The following TENM1 variants were observed in gnomAD, a reference collection of about 807,000 sequenced individuals.
TENM1 encodes teneurin-1.
Under a neutral mutation model 174.8 loss-of-function variants are expected in TENM1, and 35 were observed. The ratio of observed to expected loss-of-function variants is 0.20; its 90% CI spans 0.15 to 0.27. The LOEUF (loss-of-function observed/expected upper bound fraction) is 0.27. Ranked by LOEUF, TENM1 falls within the 10% of genes least tolerant of loss-of-function variation. TENM1 has a pLI of 1.00. For synonymous variants in TENM1, 781 were observed against 798.7 expected (o/e 0.98, Z 0.37); for missense variants, 1,633 against 2,130.1 (o/e 0.77, Z 4.59).
At chrX:124,685,545 C>A (rs2052340499) in intron 5 of TENM1, among the ~76,000 whole-genome samples, 1 of 105,900 alleles carries the variant, frequency 9.4e-6, no homozygotes, top group African/African-American at 3.6e-5. Flanking sequence ...AGCTTATGGT[C>A]TCTTCAAGCA....
chrX:124,538,683 C>T (rs574952234), intron 15 of TENM1, among the ~76,000 whole-genome samples: 3 of 111,455 alleles, frequency 2.7e-5, no homozygotes, highest in East Asian at 2.8e-4. Context: ...AAAAGCTAAA[C>T]GCAAGGCATA....
chrX:124,891,708 C>T (rs2057479542), intron 3 of TENM1, among the ~76,000 whole-genome samples: 1 of 109,808 alleles, frequency 9.1e-6, no homozygotes, highest in Non-Finnish European at 1.9e-5. Flanking sequence ...TATTATGTAC[C>T]CATAACTAAA....
chrX:124,462,810 A>G (rs1835462603), intron 22 of TENM1, among the ~76,000 whole-genome samples: 2 of 111,903 alleles, frequency 1.8e-5, no homozygotes, highest in African/African-American at 3.3e-5. Context: ...ACTGAAACAT[A>G]TCTACCTTGA....
At chrX:124,618,117 C>G (rs1344145263) in intron 11 of TENM1, among the ~76,000 whole-genome samples, 1 of 112,191 alleles carries the variant, frequency 8.9e-6, no homozygotes, top group African/African-American at 3.2e-5. Flanking sequence ...GTAATTTTTC[C>G]CATTCCATCC....
chrX:125,005,868 C>G, the TENM1 span, among the ~76,000 whole-genome samples: 2 of 111,720 alleles, frequency 1.8e-5, no homozygotes, highest in African/African-American at 6.5e-5. Context: ...CGGATTTTTG[C>G]AATCTGCAGA....
chrX:125,117,296 C>G, the TENM1 span, among the ~76,000 whole-genome samples: 4 of 111,888 alleles, frequency 3.6e-5, no homozygotes, highest in Non-Finnish European at 5.6e-5. Context: ...ACCAACCCAC[C>G]AACCCAAATG....
At chrX:124,593,856 C>T (rs1187482982) in intron 11 of TENM1, among the ~76,000 whole-genome samples, 2 of 112,039 alleles carry the variant, frequency 1.8e-5, no homozygotes. Flanking sequence ...ATTCCAGTGC[C>T]TTCTGCTGAG....
the TENM1 span, among the ~76,000 whole-genome samples, chrX:125,077,765 C>T: frequency 2.7e-5 from 3 of 111,456 alleles, no homozygotes; most frequent in African/African-American, 9.7e-5. Flanking sequence ...GCTTAATAAT[C>T]TGCCAATTCT....
At chrX:124,675,817 T>C (rs750001930) in intron 5 of TENM1, among the ~76,000 whole-genome samples, 2 of 109,247 alleles carry the variant, frequency 1.8e-5, no homozygotes, top group Non-Finnish European at 3.8e-5. Context: ...GCTATGAAGG[T>C]AAAAATAGGT....
chrX:124,583,238 G>A (rs1405212383), intron 11 of TENM1, among the ~76,000 whole-genome samples: 3 of 111,519 alleles, frequency 2.7e-5, no homozygotes, highest in Non-Finnish European at 5.7e-5. Context: ...CTCCTCAGGT[G>A]GGTCCCTGAC....
chrX:124,566,100 G>GA (rs1328731794), intron 11 of TENM1, among the ~76,000 whole-genome samples: 2 of 111,362 alleles, frequency 1.8e-5, no homozygotes, highest in Non-Finnish European at 3.8e-5. Flanking sequence ...ATCACTGGGG[G>GA]AAAAATCCCA....
the TENM1 span, among the ~76,000 whole-genome samples, chrX:125,188,977 C>G: frequency 8.9e-6 from 1 of 112,263 alleles, no homozygotes; most frequent in African/African-American, 3.2e-5. Context: ...CTGCATATAC[C>G]AGAGCAAGTC....
intron 1 of TENM1, among the ~76,000 whole-genome samples, chrX:124,914,948 C>T (rs1204802534): frequency 8.9e-6 from 1 of 111,841 alleles, no homozygotes; most frequent in Non-Finnish European, 1.9e-5. Context: ...ACTTCTCTGG[C>T]CACTCACTCT....
chrX:124,473,034 A>G (rs1488538370), intron 22 of TENM1, among the ~76,000 whole-genome samples: 5 of 111,988 alleles, frequency 4.5e-5, no homozygotes, highest in African/African-American at 6.5e-5. Flanking sequence ...ACATTAAAAC[A>G]TCTTACCCTG....
chrX:124,959,169 C>A (rs994360483), intron 1 of TENM1, among the ~76,000 whole-genome samples: 3 of 111,289 alleles, frequency 2.7e-5, no homozygotes, highest in African/African-American at 9.8e-5. Context: ...GGTGGTAATA[C>A]ATGGACTAAG....
At chrX:124,408,530 T>C (rs1275396067) in intron 25 of TENM1, among the ~76,000 whole-genome samples, 1 of 111,516 alleles carries the variant, frequency 9.0e-6, no homozygotes, top group Admixed American at 9.5e-5. Context: ...GCCTTTCTTA[T>C]CAGGGGAACT....
the TENM1 span, among the ~76,000 whole-genome samples, chrX:125,158,632 C>G: frequency 9.1e-6 from 1 of 110,092 alleles, no homozygotes; most frequent in African/African-American, 3.3e-5. Flanking sequence ...TATACTAGTA[C>G]TAACTAGATG....
intron 6 of TENM1, among the ~76,000 whole-genome samples, chrX:124,666,919 A>AT (rs200280697): frequency 0.036 from 3,982 of 111,597 alleles, 184 homozygotes; most frequent in African/African-American, 0.12. Flanking sequence ...AATAAAATCA[A>AT]TTGTTTTACT....
intron 3 of TENM1, among the ~76,000 whole-genome samples, chrX:124,877,959 TATTA>T (rs1340863428): frequency 8.9e-6 from 1 of 111,796 alleles, no homozygotes; most frequent in Non-Finnish European, 1.9e-5. Context: ...ATATATTTAC[TATTA>T]ATTAAGTGGA....
Sources: allele counts gnomAD v4.1 joint callset (sites outside exome capture counted in the v4.1 genomes callset), GRCh38; gene constraint gnomAD v4.1.1; transcripts MANE v1.5; gene names NCBI Gene and HGNC (gene_info 2026-07-23, HGNC 2026-07-21).